The following CELF2 variants were observed in gnomAD, a reference collection of about 807,000 sequenced individuals.
The protein encoded by CELF2 is CUGBP Elav-like family member 2.
In CELF2, 8 loss-of-function variants were observed where a neutral mutation model predicts 62.6. That is an observed-to-expected ratio of 0.13 (90% confidence interval 0.07 to 0.23). CELF2 has a LOEUF of 0.23. Among genes scored for constraint, CELF2 ranks in the 10% least tolerant of loss-of-function variants. The pLI is 1.00. For synonymous variants in CELF2, 258 were observed against 250.0 expected, an observed-to-expected ratio of 1.03 and a Z score of -0.30; for missense variants, 333 against 671.0, an observed-to-expected ratio of 0.50 and a Z score of 5.56.
rs117817110 is a variant in CELF2, at chr10:11,141,163, T to C, written c.75-24323T>C. Among the ~76,000 whole-genome samples the C allele has an allele frequency of 6.1e-3, 934 of 152,340 alleles. 5 individuals carry two copies. Among genetic ancestry groups the C allele is most frequent in the Non-Finnish European group, 9.8e-3 (669 of 68,022 alleles). The stretch of plus-strand genomic sequence containing the variant: ...CTTGACTCCTTTGTGGGGAAGCTCT[T>C]GTCTAAGTCATTATGTGGAGCTGAG... On this transcript the variant is annotated intron_variant, in intron 1 of 12. Coordinates refer to ENST00000633077, the MANE Select transcript of CELF2 (RefSeq NM_001326342.2).
intron 2 of CELF2, among the ~76,000 whole-genome samples, chr10:10,987,750 C>T (rs1443339637): frequency 2.0e-5 from 3 of 151,898 alleles, no homozygotes; most frequent in Admixed American, 1.3e-4. Flanking sequence ...CTATAAGGAA[C>T]TCAAACAAAT....
At chr10:11,035,896 T>C (rs185052198) in intron 1 of CELF2, among the ~76,000 whole-genome samples, 1 of 152,364 alleles carries the variant, frequency 6.6e-6, no homozygotes, top group East Asian at 1.9e-4. Flanking sequence ...TGCATTAATA[T>C]ACCTGCTGGA....
At chr10:11,031,874 C>T (rs553051550) in intron 1 of CELF2, among the ~76,000 whole-genome samples, 1 of 152,238 alleles carries the variant, frequency 6.6e-6, no homozygotes, top group South Asian at 2.1e-4. Context: ...TGTCAAAATG[C>T]TGGGTTTCCA....
chr10:11,230,038 C>T (rs1326150930), intron 3 of CELF2, among the ~76,000 whole-genome samples: 2 of 152,214 alleles, frequency 1.3e-5, no homozygotes, highest in Non-Finnish European at 2.9e-5. Context: ...TGTACAGGCA[C>T]TGACTCTGAC....
the CELF2 span, among the ~76,000 whole-genome samples, chr10:10,551,773 C>A: frequency 6.6e-6 from 1 of 152,140 alleles, no homozygotes; most frequent in African/African-American, 2.4e-5. Context: ...GGTCCAGGAG[C>A]GCTGGTTTTC....
At position 11,082,671 on chromosome 10, in the gene CELF2, C is replaced by A. The variant is rs77564697; in HGVS notation, c.74+64508C>A. Among the ~76,000 whole-genome samples the A allele has an allele frequency of 2.8e-3, 430 of 152,342 alleles. 2 individuals carry two copies. The highest frequency in any genetic ancestry group is 9.8e-3 in the African/African-American group (406 of 41,576). On this transcript the variant is annotated intron_variant, in intron 1 of 12. Coordinates refer to ENST00000633077, the MANE Select transcript of CELF2 (RefSeq NM_001326342.2). The stretch of plus-strand genomic sequence containing the variant: ...GCTATGATTTTCAGATTACAGATCT[C>A]TGGAGTCAGTGTTTCACATTTCCAA...
chr10:11,248,260 T>C (rs1423408139), intron 3 of CELF2, among the ~76,000 whole-genome samples: 1 of 152,186 alleles, frequency 6.6e-6, no homozygotes, highest in Non-Finnish European at 1.5e-5. Flanking sequence ...ATTGTGTGCT[T>C]GGAGCATGCT....
the CELF2 span, among the ~76,000 whole-genome samples, chr10:10,789,467 C>T: frequency 1.3e-5 from 2 of 152,138 alleles, no homozygotes; most frequent in Non-Finnish European, 2.9e-5. Flanking sequence ...TGCACATAAA[C>T]CTTTAAGAAG....
At chr10:10,757,740 G>A in the CELF2 span, among the ~76,000 whole-genome samples, 1 of 152,176 alleles carries the variant, frequency 6.6e-6, no homozygotes, top group Non-Finnish European at 1.5e-5. Context: ...GCTTAGTAAA[G>A]CATTATGGCA....
chr10:11,323,687 T>G (rs1051172943), intron 11 of CELF2, among the ~76,000 whole-genome samples: 28 of 152,156 alleles, frequency 1.8e-4, no homozygotes, highest in Middle Eastern at 3.4e-3. Flanking sequence ...AGATAAAACA[T>G]GAACACCCCA....
the CELF2 span, among the ~76,000 whole-genome samples, chr10:10,522,770 A>G: frequency 6.6e-6 from 1 of 152,148 alleles, no homozygotes; most frequent in Non-Finnish European, 1.5e-5. Flanking sequence ...GGGTTTCATC[A>G]TATTGCTCAG....
At chr10:10,491,413 C>G in the CELF2 span, among the ~76,000 whole-genome samples, 1 of 152,138 alleles carries the variant, frequency 6.6e-6, no homozygotes, top group Non-Finnish European at 1.5e-5. Context: ...ATTTGGTGCT[C>G]TTTGCCTCTT....
the CELF2 span, among the ~76,000 whole-genome samples, chr10:10,507,766 C>T: frequency 1.3e-5 from 2 of 152,096 alleles, no homozygotes; most frequent in African/African-American, 4.8e-5. Context: ...CAAATGAAAG[C>T]TGACTTTATA....
chr10:11,036,131 C>T (rs570534871), intron 1 of CELF2, among the ~76,000 whole-genome samples: 8 of 152,242 alleles, frequency 5.3e-5, no homozygotes, highest in Non-Finnish European at 1.0e-4. Context: ...GGATTCAGGT[C>T]AGACCTTTGC....
chr10:10,915,056 T>A (rs1347657237), intron 1 of CELF2, among the ~76,000 whole-genome samples: 1 of 150,874 alleles, frequency 6.6e-6, no homozygotes, highest in Non-Finnish European at 1.5e-5. Context: ...CACTTGATCC[T>A]GGGAGGCGGA....
the CELF2 span, among the ~76,000 whole-genome samples, chr10:10,589,687 C>T: frequency 1.3e-5 from 2 of 152,218 alleles, no homozygotes; most frequent in Middle Eastern, 3.4e-3. Context: ...GAAATTCATC[C>T]TTTCCCCCAC....
At chr10:10,604,162 A>T in the CELF2 span, among the ~76,000 whole-genome samples, 1 of 152,208 alleles carries the variant, frequency 6.6e-6, no homozygotes, top group Admixed American at 6.5e-5. Flanking sequence ...GTGAGCCATG[A>T]TTTCACTACT....
chr10:10,552,840 A>C, the CELF2 span, among the ~76,000 whole-genome samples: 1,769 of 152,288 alleles, frequency 0.012, 65 homozygotes, highest in East Asian at 0.099. Flanking sequence ...GGTGGCTTAA[A>C]CAGACATGTA....
chr10:10,574,378 C>A, the CELF2 span, among the ~76,000 whole-genome samples: 8 of 152,224 alleles, frequency 5.3e-5, no homozygotes, highest in Middle Eastern at 0.01. Context: ...CCATGCCGTG[C>A]TGGGCAGGAA....
Sources: gnomAD v4.1 joint callset for allele counts (sites outside exome capture counted in the v4.1 genomes callset) on GRCh38, gnomAD v4.1.1 for gene constraint, MANE v1.5 for transcripts, NCBI Gene and HGNC (gene_info 2026-07-23, HGNC 2026-07-21) for gene names.